Variants in ERBB2 observed in about 807,000 individuals in gnomAD.
ERBB2 encodes erb-b2 receptor tyrosine kinase 2.
A neutral mutation model predicts 149.0 loss-of-function variants in ERBB2; 61 were observed. The ratio of observed to expected loss-of-function variants is 0.41; its 90% confidence interval spans 0.33 to 0.51. The LOEUF is 0.51. Ranked by LOEUF, ERBB2 falls within the 20% of genes least tolerant of loss-of-function variation. The pLI, the probability that ERBB2 is intolerant of heterozygous loss-of-function variation, is 0.25. For missense variants in ERBB2, 1,205 were observed against 1,655.1 expected (o/e 0.73, Z 4.72); for synonymous variants, 633 against 678.8 (o/e 0.93, Z 1.05).
intron 2 of ERBB2, among the ~76,000 whole-genome samples, chr17:39,689,109 C>T (rs2057634443): frequency 6.6e-6 from 1 of 152,128 alleles, no homozygotes; most frequent in African/African-American, 2.4e-5. Context: ...TTTTCTTTTT[C>T]GTCCTGGGGG....
upstream of ERBB2, chr17:39,699,433 C>A: frequency 1.1e-6 from 1 of 912,656 alleles, no homozygotes; most frequent in Non-Finnish European, 1.6e-6. Flanking sequence ...TGCTCTCCAG[C>A]CTGGGCAACA....
At chr17:39,693,628 C>T (rs897921394), upstream of ERBB2, among the ~76,000 whole-genome samples, 6 of 151,804 alleles carry the variant, frequency 4.0e-5, no homozygotes, top group African/African-American at 9.7e-5. Flanking sequence ...CATGGTGGTG[C>T]GCTTCTGTAA....
chr17:39,712,157 C>T, intron 8 of ERBB2, 110 bp downstream of exon 8: 2 of 1,557,462 alleles, frequency 1.3e-6, no homozygotes, highest in Non-Finnish European at 1.8e-6. Context: ...GGGACCTAGT[C>T]TCTGCCTTCT....
At chr17:39,719,704 C>A (rs2059345030) in intron 15 of ERBB2, 83 bp from the exon 16 acceptor site, 1 of 1,424,310 alleles carries the variant, frequency 7.0e-7, no homozygotes, top group Non-Finnish European at 9.9e-7. Context: ...AGCCACACCC[C>A]TCCCAGGGTT....
Position 39,723,605 on chromosome 17 carries a change from C to T in ERBB2, c.2153C>T (p.Thr718Met), listed in dbSNP as rs2145814432. The T allele has an allele frequency of 1.2e-6, 2 of 1,607,538 alleles. No individual in the cohort carries two copies. Among genetic ancestry groups the T allele is most frequent in the East Asian group, 2.2e-5 (1 of 44,648 alleles). The stretch of plus-strand genomic sequence containing the variant: ...GCGCAGATGCGGATCCTGAAAGAGA[C>T]GGAGCTGAGGAAGGTGAAGGTGCTT... ...NQAQMRILKETELRKVKVLGS... is the reference protein window; with the variant it reads ...NQAQMRILKEMELRKVKVLGS... The change falls in exon 18 of 27, where the codon ACG becomes ATG. Residue 718 changes from threonine to methionine, a missense_variant. Thr to Met is a moderately conservative substitution (Grantham distance 81, BLOSUM62 -1). This residue lies in a region of ERBB2 where 152 missense variants were observed against 318.1 expected (regional missense o/e 0.48). Coordinates refer to ENST00000269571, the MANE Select transcript of ERBB2 (RefSeq NM_004448.4). This position sits in a 1 kb window ranked among gnomAD's most constrained non-coding sequence, Gnocchi z 6.2.
intron 2 of ERBB2, 164 bp downstream of exon 2, chr17:39,707,305 T>C: frequency 3.4e-6 from 2 of 580,262 alleles, no homozygotes; most frequent in East Asian, 6.8e-5. Context: ...TTCATTTTAC[T>C]GCAGAATCAG....
intron 1 of ERBB2, among the ~76,000 whole-genome samples, chr17:39,704,289 A>G (rs1195404581): frequency 6.6e-6 from 1 of 152,142 alleles, no homozygotes. Context: ...CAGGAAATCA[A>G]CGGGGACCAG....
chr17:39,703,426 G>C (rs1181620690), intron 1 of ERBB2: 1 of 152,228 alleles, frequency 6.6e-6, no homozygotes, highest in Admixed American at 6.5e-5. Flanking sequence ...GAGCCGAGGT[G>C]GGGTAAGGGA....
upstream of ERBB2, among the ~76,000 whole-genome samples, chr17:39,694,324 C>CAT (rs1334389768): frequency 2.7e-5 from 3 of 110,862 alleles, no homozygotes; most frequent in Non-Finnish European, 1.8e-5. Flanking sequence ...TACACACACA[C>CAT]ATATATATGT....
In ERBB2 at chr17:39,709,464, C is replaced by T. The variant is rs2145478095; in HGVS notation, c.574+12C>T. ...CCGCTCTCGGGCCTGTAAGCCATGC[C>T]CCTCCCTGCTGCCTCTTCTCTCAGA... On this transcript the variant is annotated intron_variant, in intron 4 of 26. Coordinates refer to ENST00000269571, the MANE Select transcript of ERBB2 (RefSeq NM_004448.4). 2 of 1,613,868 alleles carry T rather than the reference C, an allele frequency of 1.2e-6. No homozygotes were observed. Among genetic ancestry groups the T allele is most frequent in the Non-Finnish European group, 1.7e-6 (2 of 1,179,852 alleles).
intron 19 of ERBB2, 152 bp downstream of exon 19, chr17:39,724,162 A>C: frequency 3.3e-6 from 2 of 598,636 alleles, no homozygotes; most frequent in Non-Finnish European, 5.8e-6. Flanking sequence ...TCTGTCACCC[A>C]GGCTGGAGTG....
At position 39,689,174 on chromosome 17, in the gene ERBB2, C is replaced by CT. The variant is rs370118158; in HGVS notation, c.-277+375dup. Among the ~76,000 whole-genome samples, 412 of 152,328 alleles carry CT rather than the reference C, an allele frequency of 2.7e-3. 3 individuals are homozygous for CT. In the Middle Eastern group the frequency reaches 0.065, roughly 24 times the overall value. On this transcript the variant is annotated intron_variant, in intron 2 of 17. Transcript: ENST00000578199. ...CCATTCACTCACTTAACAAACATTT[C>CT]TGAGTCCTTAGCTCTAGCACCTTGC... is the stretch of plus-strand genomic sequence containing the variant.
Position 39,728,057 on chromosome 17 carries a change from A to G in ERBB2, c.*13A>G, listed in dbSNP as rs2143325772. 6.5e-7 allele frequency: 1 copy of G among 1,544,242 alleles called. No individual in the cohort carries two copies. The highest frequency in any genetic ancestry group is 8.8e-7 in the Non-Finnish European group (1 of 1,139,994). On this transcript the variant is annotated 3_prime_UTR_variant, in exon 27 of 27. Transcript: ENST00000269571. ...CGTGCCAGTGTGAACCAGAAGGCCAAGTCCGCAGAAGCCCTGATGTGTCCT... is the reference window on the plus strand; with the variant it reads ...CGTGCCAGTGTGAACCAGAAGGCCAGGTCCGCAGAAGCCCTGATGTGTCCT...
intron 16 of ERBB2, among the ~76,000 whole-genome samples, chr17:39,721,969 A>T (rs868844401): frequency 1.3e-5 from 2 of 151,762 alleles, no homozygotes; most frequent in East Asian, 3.9e-4. Flanking sequence ...CCCAGGCTGG[A>T]GTGCAATGGC....
chr17:39,707,056 G>A lies in ERBB2; in HGVS notation c.140G>A (p.Arg47His), dbSNP rs144019910. The change falls in exon 2 of 27, where the codon CGC (arginine) becomes CAC (histidine). Residue 47 changes from arginine to histidine, a missense_variant. Arg to His is a conservative substitution (Grantham distance 29). Around this residue, in one of 6 missense-constraint regions of ERBB2, gnomAD observed 101 missense variants for 95.1 expected, o/e 1.06. Coordinates refer to ENST00000269571, the MANE Select transcript of ERBB2 (RefSeq NM_004448.4). The stretch of plus-strand genomic sequence containing the variant: ...CCCGAGACCCACCTGGACATGCTCC[G>A]CCACCTCTACCAGGGCTGCCAGGTG... ...ASPETHLDML[R>H]HLYQGCQVVQ... is the part of the protein sequence containing the mutation. The A allele has an allele frequency of 4.7e-4, 752 of 1,607,510 alleles. 5 individuals carry two copies. The highest frequency in any genetic ancestry group is 1.7e-3 in the Middle Eastern group (10 of 6,044).
chr17:39,709,744 C>A, intron 4 of ERBB2, 69 bp from the exon 5 acceptor site: 2 of 1,460,020 alleles, frequency 1.4e-6, no homozygotes, highest in South Asian at 1.1e-5. Flanking sequence ...TTGTGCCTCT[C>A]TCTGTTACTA....
rs1249755832 is a variant in ERBB2 at position 39,708,522 on chromosome 17, C to T, written c.427C>T (p.Arg143Ter). The change falls in exon 3 of 27, where the codon CGA (arginine) becomes TGA (stop). Residue 143 changes from arginine (R) to a stop codon, truncating the protein, a stop_gained. Coordinates refer to ENST00000269571, the MANE Select transcript of ERBB2 (RefSeq NM_004448.4). LOFTEE classifies it high-confidence loss of function. ...AGGAGGCCTGCGGGAGCTGCAGCTT[C>T]GAAGCCTCACAGGTGGCCTTCACCG... Reference protein sequence around the residue: ...SPGGLRELQLRSLTEILKGGV... With the variant: ...SPGGLRELQL 3 of 1,613,848 alleles carry T rather than the reference C, an allele frequency of 1.9e-6. No individual in the cohort carries two copies. Among genetic ancestry groups the T allele is most frequent in the Non-Finnish European group, 2.5e-6 (3 of 1,179,802 alleles).
At chr17:39,700,625 AGC>A (rs1259144407) in intron 1 of ERBB2, among the ~76,000 whole-genome samples, 1 of 152,188 alleles carries the variant, frequency 6.6e-6, no homozygotes, top group African/African-American at 2.4e-5. Context: ...TATTGCGTAG[AGC>A]GCGCGCGCGC....
In ERBB2 at chr17:39,711,951, G is replaced by C. The variant is rs2058824189; in HGVS notation, c.925G>C (p.Gly309Arg). 1 of 1,614,118 alleles carries C rather than the reference G, an allele frequency of 6.2e-7. No homozygotes were observed. The stretch of plus-strand genomic sequence containing the variant: ...AGACAACTACCTTTCTACGGACGTG[G>C]GATCCTGCACCCTCGTCTGCCCCCT... ...CPYNYLSTDV[G>R]SCTLVCPLHN... Residue 309 changes from glycine (G) to arginine (R), a missense_variant, in exon 8 of 27, where the codon GGA (glycine) becomes CGA (arginine). Physicochemically the swap from Gly to Arg is moderately radical, Grantham distance 125 (BLOSUM62 -2). Coordinates refer to ENST00000269571, the MANE Select transcript of ERBB2 (RefSeq NM_004448.4).
Sources: gnomAD v4.1 joint callset for allele counts (sites outside exome capture counted in the v4.1 genomes callset) on GRCh38, gnomAD v4.1.1 for gene constraint, gnomAD v4.1.1 regional missense constraint, Gnocchi (gnomAD v3.1) non-coding constraint, MANE v1.5 for transcripts, NCBI Gene and HGNC (gene_info 2026-07-23, HGNC 2026-07-21) for gene names.